The following KHDRBS2 variants were observed in gnomAD, a reference collection of about 807,000 sequenced individuals.
KHDRBS2 encodes KH RNA binding domain containing, signal transduction associated 2.
Under a neutral mutation model 44.3 loss-of-function variants are expected in KHDRBS2, and 26 were observed. The observed-to-expected ratio is 0.59, with a 90% CI of 0.43 to 0.81. KHDRBS2 has a LOEUF of 0.81. Ranked by LOEUF, KHDRBS2 falls within the 40% of genes least tolerant of loss-of-function variation. The pLI is 0.00. For synonymous variants in KHDRBS2, 194 were observed against 151.1 expected (o/e 1.28, Z -2.08); for missense variants, 476 against 433.1 (o/e 1.10, Z -0.88).
intron 7 of KHDRBS2, among the ~76,000 whole-genome samples, chr6:61,717,033 T>G (rs1292274346): frequency 6.6e-6 from 1 of 152,086 alleles, no homozygotes; most frequent in African/African-American, 2.4e-5. Context: ...AGGTTTCAGT[T>G]ACTATCTAAA....
chr6:61,893,570 T>TA (rs1385098349), intron 6 of KHDRBS2, among the ~76,000 whole-genome samples: 2 of 152,242 alleles, frequency 1.3e-5, no homozygotes, highest in South Asian at 2.1e-4. Context: ...TATGCAGCCA[T>TA]AAAAAATGAT....
chr6:62,008,746 T>C (rs1779743645), intron 3 of KHDRBS2, among the ~76,000 whole-genome samples: 1 of 152,124 alleles, frequency 6.6e-6, no homozygotes, highest in South Asian at 2.1e-4. Context: ...CAAGATCTGG[T>C]GGTTTTAAAA....
intron 6 of KHDRBS2, among the ~76,000 whole-genome samples, chr6:61,842,067 T>C (rs985903788): frequency 1.3e-5 from 2 of 152,176 alleles, no homozygotes; most frequent in African/African-American, 4.8e-5. Flanking sequence ...TGCACCTCAC[T>C]CTATGTGTTC....
intron 2 of KHDRBS2, among the ~76,000 whole-genome samples, chr6:62,055,374 A>G (rs531617540): frequency 6.6e-6 from 1 of 152,184 alleles, no homozygotes; most frequent in African/African-American, 2.4e-5. Context: ...TAAGACCATG[A>G]TGACATAATT....
At chr6:62,189,973 G>A (rs1435100820) in intron 1 of KHDRBS2, among the ~76,000 whole-genome samples, 1 of 152,128 alleles carries the variant, frequency 6.6e-6, no homozygotes, top group Non-Finnish European at 1.5e-5. Flanking sequence ...GTAAATGTTT[G>A]TGTCATTAGC....
At chr6:61,960,697 T>A (rs149802497) in intron 4 of KHDRBS2, among the ~76,000 whole-genome samples, 1 of 152,152 alleles carries the variant, frequency 6.6e-6, no homozygotes, top group Admixed American at 6.6e-5. Context: ...CTAAGCATTT[T>A]AACAAATTTC....
intron 1 of KHDRBS2, among the ~76,000 whole-genome samples, chr6:62,240,950 C>A (rs528025845): frequency 6.6e-6 from 1 of 151,790 alleles, no homozygotes; most frequent in African/African-American, 2.4e-5. Context: ...GTTCCTTTTG[C>A]GTTTAATCTT....
the KHDRBS2 span, among the ~76,000 whole-genome samples, chr6:61,612,187 TC>T: frequency 6.6e-6 from 1 of 152,204 alleles, no homozygotes; most frequent in Admixed American, 6.5e-5. Context: ...GTTCAGTATC[TC>T]TACAAACTCT....
chr6:62,196,823 G>T (rs1445868293), intron 1 of KHDRBS2, among the ~76,000 whole-genome samples: 2 of 152,018 alleles, frequency 1.3e-5, no homozygotes, highest in Admixed American at 6.6e-5. Context: ...TGACGAGGGG[G>T]ATGCTGGCTC....
At chr6:62,177,791 AG>A (rs1466765688) in intron 1 of KHDRBS2, among the ~76,000 whole-genome samples, 1 of 151,458 alleles carries the variant, frequency 6.6e-6, no homozygotes, top group Non-Finnish European at 1.5e-5. Context: ...GGTAGTAAAG[AG>A]AAATTGCATG....
chr6:61,822,994 GT>G (rs368791927), intron 6 of KHDRBS2, among the ~76,000 whole-genome samples: 11 of 151,276 alleles, frequency 7.3e-5, no homozygotes, highest in African/African-American at 2.2e-4. Flanking sequence ...TATGTGGGTA[GT>G]TTTTTTTTAC....
chr6:61,945,099 A>ATATATATAT (rs1562489783), intron 4 of KHDRBS2, among the ~76,000 whole-genome samples: 1 of 67,930 alleles, frequency 1.5e-5, no homozygotes, highest in Non-Finnish European at 2.8e-5. Context: ...TTAAAAAAAA[A>ATATATATAT]AAAAAAAAAA....
At chr6:62,221,748 A>G (rs1315945398) in intron 1 of KHDRBS2, among the ~76,000 whole-genome samples, 1 of 152,106 alleles carries the variant, frequency 6.6e-6, no homozygotes, top group East Asian at 1.9e-4. Flanking sequence ...AATCAGAAAA[A>G]AAAGGACTCA....
chr6:62,190,032 C>G (rs940724521), intron 1 of KHDRBS2, among the ~76,000 whole-genome samples: 2 of 151,980 alleles, frequency 1.3e-5, no homozygotes, highest in African/African-American at 4.8e-5. Flanking sequence ...GAAGGAAGAT[C>G]GCCAAGGACT....
At chr6:61,698,939 C>T (rs1768237849) in intron 7 of KHDRBS2, among the ~76,000 whole-genome samples, 1 of 152,108 alleles carries the variant, frequency 6.6e-6, no homozygotes, top group Non-Finnish European at 1.5e-5. Context: ...CAGGGACCAC[C>T]TACCTTGCTT....
chr6:62,018,588 G>A (rs1425899095), intron 3 of KHDRBS2, among the ~76,000 whole-genome samples: 40 of 151,942 alleles, frequency 2.6e-4, no homozygotes, highest in African/African-American at 7.2e-4. Flanking sequence ...CTCGTGATCC[G>A]CGCGCCTTGG....
the KHDRBS2 span, among the ~76,000 whole-genome samples, chr6:61,609,307 G>A: frequency 6.6e-6 from 1 of 152,150 alleles, no homozygotes; most frequent in Non-Finnish European, 1.5e-5. Context: ...GCAGTGAGCC[G>A]AGATTGCGCC....
chr6:61,544,449 T>A, the KHDRBS2 span, among the ~76,000 whole-genome samples: 1 of 152,076 alleles, frequency 6.6e-6, no homozygotes, highest in Admixed American at 6.6e-5. Flanking sequence ...AAAAATAAAA[T>A]GTTCTTAGCC....
intron 1 of KHDRBS2, among the ~76,000 whole-genome samples, chr6:62,184,378 A>T (rs370306933): frequency 8.6e-5 from 13 of 151,778 alleles, no homozygotes; most frequent in East Asian, 7.7e-4. Flanking sequence ...AGAAACATCA[A>T]TGGAACTTTG....
Sources: allele counts gnomAD v4.1 joint callset (sites outside exome capture counted in the v4.1 genomes callset), GRCh38; gene constraint gnomAD v4.1.1; transcripts MANE v1.5; gene names NCBI Gene and HGNC (gene_info 2026-07-23, HGNC 2026-07-21).